Variants in IPMK observed in about 807,000 individuals in gnomAD.
IPMK encodes the protein inositol polyphosphate multikinase, also known as inositol 1,3,4,6-tetrakisphosphate 5-kinase.
Under a neutral mutation model 45.8 loss-of-function variants are expected in IPMK, and 17 were observed. That is an observed-to-expected ratio of 0.37 (90% CI 0.25 to 0.56). IPMK has a LOEUF of 0.56. Among genes scored for constraint, IPMK ranks in the 20% least tolerant of loss-of-function variants. The pLI, the probability that IPMK is intolerant of heterozygous loss-of-function variation, is 0.79. For missense variants in IPMK, 399 were observed against 498.0 expected (o/e 0.80, Z 1.89); for synonymous variants, 180 against 184.3 (o/e 0.98, Z 0.19).
Position 58,215,939 on chromosome 10 carries a change from G to A in IPMK, c.546+206C>T, listed in dbSNP as rs183434306. On this transcript the variant is annotated intron_variant, in intron 4 of 5. Coordinates refer to ENST00000373935, the MANE Select transcript of IPMK (RefSeq NM_152230.5). ...TTATCAATCACCCTACTATGTTCCC[G>A]AACCAGAGAAACTGACCATATATCA... Among the ~76,000 whole-genome samples, 846 of 151,430 alleles carry A rather than the reference G, an allele frequency of 5.6e-3. 4 individuals are homozygous for A. Among genetic ancestry groups the A allele is most frequent in the Non-Finnish European group, 7.0e-3 (476 of 67,876 alleles).
At chr10:58,247,783 T>C (rs1838824447) in intron 1 of IPMK, among the ~76,000 whole-genome samples, 3 of 152,132 alleles carry the variant, frequency 2.0e-5, no homozygotes, top group South Asian at 4.1e-4. Context: ...TGTGCACATG[T>C]ACCCTAAAAC....
chr10:58,226,953 TACTC>T (rs1338570989), intron 3 of IPMK, 86 bp downstream of exon 3: 5 of 763,636 alleles, frequency 6.5e-6, no homozygotes, highest in Admixed American at 2.5e-5. Context: ...TTATAATACA[TACTC>T]AGTTAAATTT....
chr10:58,236,803 T>C (rs1310416901), intron 2 of IPMK, among the ~76,000 whole-genome samples: 1 of 152,050 alleles, frequency 6.6e-6, no homozygotes, highest in African/African-American at 2.4e-5. Flanking sequence ...TTCCAGCTAC[T>C]GTGGGGAGGT....
At chr10:58,204,591 C>G (rs1014227678) in intron 4 of IPMK, among the ~76,000 whole-genome samples, 1 of 152,064 alleles carries the variant, frequency 6.6e-6, no homozygotes, top group African/African-American at 2.4e-5. Context: ...CCCATGAGTT[C>G]AAGACTAGCC....
chr10:58,238,618 C>T (rs938758959), intron 1 of IPMK, among the ~76,000 whole-genome samples: 11 of 152,094 alleles, frequency 7.2e-5, no homozygotes, highest in African/African-American at 2.7e-4. Flanking sequence ...ACTTGAGTTT[C>T]CTTTTCTTTT....
At chr10:58,230,263 T>C (rs920977786) in intron 2 of IPMK, among the ~76,000 whole-genome samples, 1 of 152,222 alleles carries the variant, frequency 6.6e-6, no homozygotes, top group African/African-American at 2.4e-5. Flanking sequence ...TTCTGCAGAC[T>C]TAAACGTCCC....
intron 2 of IPMK, among the ~76,000 whole-genome samples, chr10:58,232,532 A>T (rs943824092): frequency 6.6e-6 from 1 of 152,344 alleles, no homozygotes; most frequent in South Asian, 2.1e-4. Flanking sequence ...AAACTCACTC[A>T]AAACTGCACA....
chr10:58,214,960 C>A (rs2790156), intron 4 of IPMK, among the ~76,000 whole-genome samples: 1 of 151,946 alleles, frequency 6.6e-6, no homozygotes, highest in African/African-American at 2.4e-5. Flanking sequence ...TTTCTCGCCC[C>A]ATAAATCTGG....
intron 1 of IPMK, among the ~76,000 whole-genome samples, chr10:58,264,019 A>G (rs377219436): frequency 4.6e-5 from 7 of 152,326 alleles, no homozygotes; most frequent in African/African-American, 1.4e-4. Context: ...AGAAAAACAA[A>G]TGTGATAAAA....
chr10:58,233,037 G>A (rs1178551928), intron 2 of IPMK, among the ~76,000 whole-genome samples: 2 of 152,016 alleles, frequency 1.3e-5, no homozygotes, highest in Non-Finnish European at 2.9e-5. Context: ...CAGAGAATAC[G>A]ATAAACACCT....
Position 58,195,899 on chromosome 10 carries a change from AAT to A in IPMK, c.*175_*176del, listed in dbSNP as rs2132139799. 2 of 608,738 alleles carry A rather than the reference AAT, an allele frequency of 3.3e-6. No individual in the cohort carries two copies. The highest frequency in any genetic ancestry group is 5.8e-5 in the East Asian group (2 of 34,492). 37.7% of individuals were successfully genotyped at this position (608,738 alleles called of 1,614,324 possible). ...ATTCTTCATAGTTTTCTAATGAACA[AAT>A]AGTTAGTTTTCCTGAGTAAGATTAT... On this transcript the variant is annotated 3_prime_UTR_variant, in exon 6 of 6. Transcript: ENST00000373935.
intron 4 of IPMK, 120 bp downstream of exon 4, chr10:58,216,025 G>A (rs1020016368): frequency 2.7e-6 from 2 of 728,582 alleles, no homozygotes; most frequent in Admixed American, 6.8e-5. Flanking sequence ...GGGAGTTACA[G>A]ACAACTCAAT....
chr10:58,213,233 T>C (rs1008687327), intron 4 of IPMK, among the ~76,000 whole-genome samples: 2 of 152,158 alleles, frequency 1.3e-5, no homozygotes, highest in East Asian at 1.9e-4. Context: ...AGTTGTTAGA[T>C]GTACATATCA....
At chr10:58,224,571 A>G (rs921130039) in intron 3 of IPMK, among the ~76,000 whole-genome samples, 1 of 152,234 alleles carries the variant, frequency 6.6e-6, no homozygotes, top group Non-Finnish European at 1.5e-5. Context: ...TTATATCTCA[A>G]TAAAACTATC....
At chr10:58,225,568 T>A (rs1180015889) in intron 3 of IPMK, among the ~76,000 whole-genome samples, 1 of 152,174 alleles carries the variant, frequency 6.6e-6, no homozygotes, top group African/African-American at 2.4e-5. Flanking sequence ...TATACTCTAT[T>A]CATAGTAATT....
chr10:58,202,868 T>A (rs758651694), intron 4 of IPMK, among the ~76,000 whole-genome samples: 1 of 152,170 alleles, frequency 6.6e-6, no homozygotes, highest in African/African-American at 2.4e-5. Context: ...TACAAGGAGA[T>A]TAATATTGTT....
At chr10:58,223,115 C>T (rs1048013130) in intron 3 of IPMK, among the ~76,000 whole-genome samples, 1 of 144,418 alleles carries the variant, frequency 6.9e-6, no homozygotes, top group Non-Finnish European at 1.5e-5. Context: ...TTTATGTAAC[C>T]AAACACCACC....
At chr10:58,234,253 A>G (rs532983283) in intron 2 of IPMK, among the ~76,000 whole-genome samples, 25 of 152,368 alleles carry the variant, frequency 1.6e-4, no homozygotes, top group Admixed American at 1.4e-3. Context: ...AGTAATTTAC[A>G]GATTCAATGT....
intron 4 of IPMK, among the ~76,000 whole-genome samples, 200 bp downstream of exon 4, chr10:58,215,945 G>C (rs1476886920): frequency 6.6e-6 from 1 of 151,712 alleles, no homozygotes; most frequent in Non-Finnish European, 1.5e-5. Flanking sequence ...TCCCGAACCA[G>C]AGAAACTGAC....
Sources: allele counts gnomAD v4.1 joint callset (sites outside exome capture counted in the v4.1 genomes callset), GRCh38; gene constraint gnomAD v4.1.1; transcripts MANE v1.5; gene names NCBI Gene and HGNC (gene_info 2026-07-23, HGNC 2026-07-21).